Variants in GRID2 observed in about 807,000 individuals in gnomAD.
GRID2 encodes the protein glutamate receptor ionotropic, delta-2.
Under a neutral mutation model 114.8 loss-of-function variants are expected in GRID2, and 33 were observed. That is an observed-to-expected ratio of 0.29 (90% CI 0.22 to 0.38). The LOEUF (loss-of-function observed/expected upper bound fraction) is 0.38, where lower values mean the gene tolerates loss of function less well. Ranked by LOEUF, GRID2 falls within the 10% of genes least tolerant of loss-of-function variation. The pLI is 1.00. For missense variants in GRID2, 1,184 were observed against 1,257.7 expected (o/e 0.94, Z 0.89); for synonymous variants, 505 against 449.9 (o/e 1.12, Z -1.55).
chr4:92,777,250 C>T (rs1441675168), intron 2 of GRID2, among the ~76,000 whole-genome samples: 1 of 151,958 alleles, frequency 6.6e-6, no homozygotes, highest in Non-Finnish European at 1.5e-5. Context: ...CTTTAACTTA[C>T]CTGTGTAAAC....
intron 10 of GRID2, among the ~76,000 whole-genome samples, chr4:93,428,862 T>C (rs1201424834): frequency 6.6e-6 from 1 of 152,082 alleles, no homozygotes. Context: ...TCCTAAAATT[T>C]TGAAAAGAGG....
intron 2 of GRID2, among the ~76,000 whole-genome samples, chr4:92,750,864 G>A (rs776193728): frequency 4.6e-5 from 7 of 152,048 alleles, no homozygotes; most frequent in Non-Finnish European, 8.8e-5. Flanking sequence ...CATATTTATT[G>A]GTAACAATAA....
Position 93,608,991 on chromosome 4 carries a change from A to C in GRID2, c.2194-17278A>C. 1.8e-5 allele frequency among the ~76,000 whole-genome samples: 2 copies of C among 113,612 alleles called. 1 individual carries two copies. The highest frequency in any genetic ancestry group is 1.7e-4 in the Admixed American group (2 of 11,522). The allele number at this position is 113,612 out of a possible 152,430, so 74.5% of individuals were successfully genotyped here. A position where few individuals can be genotyped will look rare whatever the true frequency, so the allele number is the denominator to read the frequency against. ...AGCACCTGTTGTTTCCTGACTTTTTAATGATTGCCATTCTAACTGGTGTGA... is the reference window on the plus strand; with the variant it reads ...AGCACCTGTTGTTTCCTGACTTTTTCATGATTGCCATTCTAACTGGTGTGA... On this transcript the variant is annotated intron_variant, in intron 13 of 15. Transcript: ENST00000282020.
At chr4:93,684,090 C>G (rs1252839078) in intron 14 of GRID2, among the ~76,000 whole-genome samples, 2 of 152,000 alleles carry the variant, frequency 1.3e-5, no homozygotes, top group Non-Finnish European at 2.9e-5. Flanking sequence ...CTATACACAC[C>G]TATTCATACA....
intron 1 of GRID2, among the ~76,000 whole-genome samples, chr4:92,550,314 A>G (rs1726519080): frequency 3.3e-5 from 5 of 152,188 alleles, no homozygotes; most frequent in Admixed American, 2.6e-4. Context: ...AGTATAGAAT[A>G]ATTTCCATCT....
At chr4:92,544,960 A>G (rs1057066690) in intron 1 of GRID2, among the ~76,000 whole-genome samples, 2 of 152,016 alleles carry the variant, frequency 1.3e-5, no homozygotes, top group Admixed American at 1.3e-4. Flanking sequence ...TTACACCTTT[A>G]TTCTTTTTAT....
At chr4:93,109,647 A>G (rs1732580846) in intron 3 of GRID2, among the ~76,000 whole-genome samples, 1 of 152,096 alleles carries the variant, frequency 6.6e-6, no homozygotes, top group Admixed American at 6.6e-5. Flanking sequence ...GTTCCCTACA[A>G]TCCCATTTAC....
chr4:93,326,457 A>T (rs1168670779), intron 8 of GRID2, among the ~76,000 whole-genome samples: 1 of 152,152 alleles, frequency 6.6e-6, no homozygotes, highest in African/African-American at 2.4e-5. Context: ...ATAAATTGAC[A>T]CACAGGACCA....
chr4:93,386,362 A>G (rs535352589), intron 8 of GRID2, among the ~76,000 whole-genome samples: 2 of 152,286 alleles, frequency 1.3e-5, no homozygotes, highest in African/African-American at 4.8e-5. Context: ...TAGCAAAAAA[A>G]GATTAAATAA....
At chr4:92,925,482 A>G (rs1326652292) in intron 2 of GRID2, among the ~76,000 whole-genome samples, 1 of 152,082 alleles carries the variant, frequency 6.6e-6, no homozygotes, top group Non-Finnish European at 1.5e-5. Context: ...AGAAGAGTAT[A>G]TTTCCTTTAT....
intron 1 of GRID2, among the ~76,000 whole-genome samples, chr4:92,477,488 C>A (rs1163465670): frequency 6.6e-6 from 1 of 151,902 alleles, no homozygotes; most frequent in Non-Finnish European, 1.5e-5. Flanking sequence ...AGACAGTATG[C>A]TTGATTGTGT....
chr4:92,457,693 G>T (rs1721284719), intron 1 of GRID2, among the ~76,000 whole-genome samples: 1 of 151,480 alleles, frequency 6.6e-6, no homozygotes, highest in Non-Finnish European at 1.5e-5. Context: ...ATTCAAGATT[G>T]ATAACAATCT....
At chr4:92,678,746 G>A (rs541490418) in intron 2 of GRID2, among the ~76,000 whole-genome samples, 1 of 151,798 alleles carries the variant, frequency 6.6e-6, no homozygotes, top group African/African-American at 2.4e-5. Flanking sequence ...AAGCATTTAT[G>A]AAACGTTTGC....
At chr4:92,459,621 T>C (rs1721381047) in intron 1 of GRID2, among the ~76,000 whole-genome samples, 1 of 152,172 alleles carries the variant, frequency 6.6e-6, no homozygotes, top group Non-Finnish European at 1.5e-5. Flanking sequence ...TGCCTAAAAA[T>C]GTGTATACAT....
At chr4:93,087,017 G>GAGTGATTT (rs1730385827) in intron 3 of GRID2, among the ~76,000 whole-genome samples, 1 of 147,520 alleles carries the variant, frequency 6.8e-6, no homozygotes, top group African/African-American at 2.5e-5. Flanking sequence ...CTATGAAAGT[G>GAGTGATTT]ATTTATTTAT....
chr4:92,937,870 T>G lies in GRID2; in HGVS notation c.245-147125T>G, dbSNP rs898079800. ...TGGCTGATTACTCTGACTAGAACTT[T>G]CAGTACCAATGTTAAAGCACAAGGG... On this transcript the variant is annotated intron_variant, in intron 2 of 15. Coordinates refer to ENST00000282020, the MANE Select transcript of GRID2 (RefSeq NM_001510.4). Among the ~76,000 whole-genome samples the G allele has an allele frequency of 2.0e-5, 3 of 146,746 alleles. 1 individual carries two copies. The South Asian group carries it at 6.8e-4, about 33-fold the overall frequency.
chr4:93,749,873 A>G (rs1206154006), intron 14 of GRID2, among the ~76,000 whole-genome samples: 1 of 152,212 alleles, frequency 6.6e-6, no homozygotes, highest in Non-Finnish European at 1.5e-5. Flanking sequence ...CTGAGTTTCT[A>G]AATATAGAAA....
At chr4:93,391,464 T>G (rs1055212755) in intron 8 of GRID2, among the ~76,000 whole-genome samples, 1 of 152,198 alleles carries the variant, frequency 6.6e-6, no homozygotes, top group Non-Finnish European at 1.5e-5. Context: ...AGGTCCTCAG[T>G]GCAGTGGATA....
chr4:93,158,567 G>T (rs1737387628), intron 4 of GRID2, among the ~76,000 whole-genome samples: 1 of 151,550 alleles, frequency 6.6e-6, no homozygotes, highest in Non-Finnish European at 1.5e-5. Flanking sequence ...TGTCATATTT[G>T]CATTTTTTTT....
Sources: gnomAD v4.1 joint callset for allele counts (sites outside exome capture counted in the v4.1 genomes callset) on GRCh38, gnomAD v4.1.1 for gene constraint, MANE v1.5 for transcripts, NCBI Gene and HGNC (gene_info 2026-07-23, HGNC 2026-07-21) for gene names.